PTPRN2: variants seen among roughly 807,000 people sequenced by gnomAD.
The protein encoded by PTPRN2 is protein tyrosine phosphatase receptor type N2.
Under a neutral mutation model 118.8 loss-of-function variants are expected in PTPRN2, and 74 were observed. The observed-to-expected ratio is 0.62, with a 90% confidence interval of 0.52 to 0.76. PTPRN2 has a LOEUF of 0.76. Among genes scored for constraint, PTPRN2 ranks in the 30% least tolerant of loss-of-function variants. The pLI, the probability that PTPRN2 is intolerant of heterozygous loss-of-function variation, is 0.00. For synonymous variants in PTPRN2, 641 were observed against 608.0 expected (o/e 1.05, Z -0.80); for missense variants, 1,481 against 1,394.4 (o/e 1.06, Z -0.99).
At chr7:157,777,227 T>G (rs536215654) in intron 12 of PTPRN2, among the ~76,000 whole-genome samples, 1 of 152,354 alleles carries the variant, frequency 6.6e-6, no homozygotes, top group South Asian at 2.1e-4. Context: ...ATCCACAAAT[T>G]CTTGTTAGAT....
rs7802248 is a variant in PTPRN2 at position 158,300,141 on chromosome 7, G to C, written c.277+16678C>G. Among the ~76,000 whole-genome samples the C allele has an allele frequency of 3.3e-5, 5 of 152,112 alleles. No individual in the cohort carries two copies. In the South Asian group the frequency reaches 1.0e-3, roughly 32 times the overall value. On this transcript the variant is annotated intron_variant, in intron 3 of 22. Transcript: ENST00000389418. ...CCACAGAGAATGCCTCTGAAATGAT[G>C]ATATGGGTCAATGAAGAAGCAAAGT...
At chr7:157,959,038 T>C (rs923665443) in intron 11 of PTPRN2, among the ~76,000 whole-genome samples, 6 of 152,208 alleles carry the variant, frequency 3.9e-5, no homozygotes, top group East Asian at 1.9e-4. Context: ...GGCAGACATA[T>C]AGACCAATGG....
At chr7:158,262,805 TAC>T (rs917320340) in intron 3 of PTPRN2, among the ~76,000 whole-genome samples, 24 of 124,654 alleles carry the variant, frequency 1.9e-4, no homozygotes, top group African/African-American at 4.8e-4. Flanking sequence ...ATTCACACAC[TAC>T]ACACATTCAC....
Position 158,157,803 on chromosome 7 carries a change from G to A in PTPRN2, c.910+9128C>T, listed in dbSNP as rs546623378. 3.3e-5 allele frequency among the ~76,000 whole-genome samples: 5 copies of A among 152,220 alleles called. No individual in the cohort carries two copies. The East Asian group carries it at 5.8e-4, about 18-fold the overall frequency. ...CGCCTGCTCCCCTGGGAGAGAGTGCGCTGCTGCTGACTCCACGGTGTGCTG... is the reference window on the plus strand; with the variant it reads ...CGCCTGCTCCCCTGGGAGAGAGTGCACTGCTGCTGACTCCACGGTGTGCTG... On this transcript the variant is annotated intron_variant, in intron 6 of 22. Coordinates refer to ENST00000389418, the MANE Select transcript of PTPRN2 (RefSeq NM_002847.5).
intron 21 of PTPRN2, among the ~76,000 whole-genome samples, chr7:157,564,269 C>T (rs1799373880): frequency 6.6e-6 from 1 of 152,196 alleles, no homozygotes; most frequent in Admixed American, 6.5e-5. Flanking sequence ...GTAGCATCTG[C>T]CACCACACCT....
At chr7:157,916,138 G>C (rs889202771) in intron 11 of PTPRN2, among the ~76,000 whole-genome samples, 5 of 152,252 alleles carry the variant, frequency 3.3e-5, no homozygotes, top group African/African-American at 1.2e-4. Context: ...CTGGGACTGT[G>C]AACTAGAAAT....
intron 6 of PTPRN2, among the ~76,000 whole-genome samples, chr7:158,156,016 T>C (rs1194407323): frequency 6.6e-6 from 1 of 152,194 alleles, no homozygotes; most frequent in African/African-American, 2.4e-5. Context: ...GCATGTTGTC[T>C]ATTTTCACTG....
At chr7:157,935,746 T>C (rs1030523591) in intron 11 of PTPRN2, among the ~76,000 whole-genome samples, 10 of 152,326 alleles carry the variant, frequency 6.6e-5, no homozygotes, top group African/African-American at 2.4e-4. Context: ...GCTTTTAAAA[T>C]TGGAGCTCCC....
chr7:158,578,175 T>C lies in PTPRN2; in HGVS notation c.112+9383A>G, dbSNP rs143171372. On this transcript the variant is annotated intron_variant, in intron 1 of 22. Transcript: ENST00000389418. ...TCAAATATTACATAATAAAACATTT[T>C]AAAAGAAAGTGTTTAGCATATCTAA... 9.4e-3 allele frequency among the ~76,000 whole-genome samples: 1,439 copies of C among 152,322 alleles called. 7 individuals carry two copies. Among genetic ancestry groups the C allele is most frequent in the Non-Finnish European group, 0.015 (991 of 68,034 alleles).
intron 1 of PTPRN2, among the ~76,000 whole-genome samples, chr7:158,564,450 C>T (rs1380811795): frequency 6.6e-6 from 1 of 152,218 alleles, no homozygotes; most frequent in East Asian, 1.9e-4. Flanking sequence ...GTGAGGCTGC[C>T]AGGCACCACC....
At chr7:158,413,293 A>G (rs1224350783) in intron 2 of PTPRN2, among the ~76,000 whole-genome samples, 3 of 152,254 alleles carry the variant, frequency 2.0e-5, no homozygotes, top group Non-Finnish European at 4.4e-5. Context: ...CTCATTTGTA[A>G]TAAGTCGTAG....
chr7:158,210,131 CTTTTTTT>C (rs869191127), intron 3 of PTPRN2, among the ~76,000 whole-genome samples: 11 of 108,662 alleles, frequency 1.0e-4, no homozygotes, highest in African/African-American at 3.8e-4. Flanking sequence ...AATGATGCAT[CTTTTTTT>C]TTTTTTTTTT....
chr7:158,345,339 G>A (rs1563184074), intron 2 of PTPRN2, among the ~76,000 whole-genome samples: 1 of 152,140 alleles, frequency 6.6e-6, no homozygotes, highest in African/African-American at 2.4e-5. Flanking sequence ...GTTTTTTGTG[G>A]GCTACTCTGG....
intron 4 of PTPRN2, among the ~76,000 whole-genome samples, chr7:158,198,226 T>C (rs1826361808): frequency 6.6e-6 from 1 of 152,228 alleles, no homozygotes; most frequent in Admixed American, 6.5e-5. Flanking sequence ...GGGACTTGTT[T>C]GTGATGCTGC....
intron 5 of PTPRN2, among the ~76,000 whole-genome samples, chr7:158,186,172 TTC>T (rs2150676701): frequency 6.6e-6 from 1 of 152,324 alleles, no homozygotes; most frequent in South Asian, 2.1e-4. Context: ...TTCTCCCCAC[TTC>T]CTGTGACTGG....
Position 157,676,561 on chromosome 7 carries a change from C to T in PTPRN2, c.2001+6164G>A. On this transcript the variant is annotated intron_variant, in intron 13 of 22. Coordinates refer to ENST00000389418, the MANE Select transcript of PTPRN2 (RefSeq NM_002847.5). This position sits in a 1 kb window ranked among gnomAD's most constrained non-coding sequence, Gnocchi z 5.6. ...AAGATGGTGGAGGAGCTGTCCAGAC[C>T]CACGGGACAGAAAAGCCCGGGCCAG... Among the ~76,000 whole-genome samples, 1 of 152,202 alleles carries T rather than the reference C, an allele frequency of 6.6e-6. No homozygotes were observed. The highest frequency in any genetic ancestry group is 1.9e-4 in the East Asian group (1 of 5,194).
chr7:158,441,870 C>T (rs111219472), intron 2 of PTPRN2, among the ~76,000 whole-genome samples: 23 of 42,924 alleles, frequency 5.4e-4, no homozygotes, highest in East Asian at 1.2e-3. Flanking sequence ...ATGGTCATGG[C>T]AGTGGTGGTG....
chr7:158,528,279 C>T (rs73729679), intron 1 of PTPRN2, among the ~76,000 whole-genome samples: 1 of 152,076 alleles, frequency 6.6e-6, no homozygotes, highest in African/African-American at 2.4e-5. Flanking sequence ...GGCGGGGGCA[C>T]CCGCCTGGGC....
chr7:158,416,211 G>A (rs1814643094), intron 2 of PTPRN2, among the ~76,000 whole-genome samples: 1 of 152,218 alleles, frequency 6.6e-6, no homozygotes, highest in Admixed American at 6.5e-5. Flanking sequence ...GCCCAGGAAT[G>A]GGAATCCAGC....
Sources: gnomAD v4.1 joint callset for allele counts (sites outside exome capture counted in the v4.1 genomes callset) on GRCh38, gnomAD v4.1.1 for gene constraint, Gnocchi (gnomAD v3.1) non-coding constraint, MANE v1.5 for transcripts, NCBI Gene and HGNC (gene_info 2026-07-23, HGNC 2026-07-21) for gene names.